The following TMEFF2 variants were observed in gnomAD, a reference collection of about 807,000 sequenced individuals.
TMEFF2 encodes the protein transmembrane protein with EGF like and two follistatin like domains 2.
TMEFF2 carries 28 observed loss-of-function variants against 53.8 expected under a neutral mutation model. That is an observed-to-expected ratio of 0.52 (90% CI 0.39 to 0.71). The LOEUF (loss-of-function observed/expected upper bound fraction) is 0.71. Among genes scored for constraint, TMEFF2 ranks in the 30% least tolerant of loss-of-function variants. The probability of loss-of-function intolerance (pLI) is 0.00; values close to 1 mark genes in which losing one functional copy is unlikely to be tolerated. For synonymous variants in TMEFF2, 162 were observed against 166.3 expected, an observed-to-expected ratio of 0.97 and a Z score of 0.20; for missense variants, 353 against 455.2, an observed-to-expected ratio of 0.78 and a Z score of 2.04.
intron 5 of TMEFF2, among the ~76,000 whole-genome samples, chr2:192,016,566 C>G (rs971705959): frequency 3.9e-5 from 6 of 152,214 alleles, no homozygotes; most frequent in African/African-American, 9.6e-5. Flanking sequence ...GTGAGTCCAT[C>G]TTACAGCCTT....
chr2:191,980,355 G>A (rs1184786177), intron 7 of TMEFF2, among the ~76,000 whole-genome samples: 1 of 152,122 alleles, frequency 6.6e-6, no homozygotes, highest in Non-Finnish European at 1.5e-5. Context: ...ACATCTTTGT[G>A]AGCACAGAAA....
At chr2:191,979,779 C>G (rs1685811370) in intron 7 of TMEFF2, among the ~76,000 whole-genome samples, 1 of 151,472 alleles carries the variant, frequency 6.6e-6, no homozygotes, top group Non-Finnish European at 1.5e-5. Context: ...AACCCTCTAA[C>G]TAGGATCCAT....
intron 5 of TMEFF2, among the ~76,000 whole-genome samples, chr2:192,012,862 A>T (rs974274447): frequency 6.6e-6 from 1 of 152,216 alleles, no homozygotes; most frequent in South Asian, 2.1e-4. Context: ...AAAAATTAGT[A>T]AAAATGTATA....
intron 4 of TMEFF2, among the ~76,000 whole-genome samples, chr2:192,133,132 G>A (rs1179410019): frequency 7.2e-5 from 11 of 151,920 alleles, no homozygotes; most frequent in East Asian, 5.8e-4. Context: ...ACTCTTTTAA[G>A]CACTCCTTTT....
At chr2:192,114,382 A>C (rs1689351454) in intron 4 of TMEFF2, among the ~76,000 whole-genome samples, 1 of 151,840 alleles carries the variant, frequency 6.6e-6, no homozygotes, top group Non-Finnish European at 1.5e-5. Flanking sequence ...AAGGATGATA[A>C]GGAAGAAGAC....
intron 4 of TMEFF2, among the ~76,000 whole-genome samples, chr2:192,153,524 T>A (rs1414704744): frequency 1.3e-5 from 2 of 151,982 alleles, no homozygotes; most frequent in Admixed American, 6.6e-5. Context: ...CTGTTTGTGA[T>A]AGAGCAACAA....
rs1559115057 is a variant in TMEFF2 at position 192,075,305 on chromosome 2, A to ATT, written c.440-17531_440-17530insAA. ...TACTATTATATATATATATATATAT[A>ATT]TATATATATATATATATATATATAT... On this transcript the variant is annotated intron_variant, in intron 4 of 9. Coordinates refer to ENST00000272771, the MANE Select transcript of TMEFF2 (RefSeq NM_016192.4). Among the ~76,000 whole-genome samples the ATT allele has an allele frequency of 8.8e-3, 245 of 27,964 alleles. 6 individuals carry two copies. The highest frequency in any genetic ancestry group is 0.019 in the African/African-American group (237 of 12,794). The allele number at this position is 27,964 out of a possible 152,430, so 18.3% of individuals were successfully genotyped here.
intron 4 of TMEFF2, among the ~76,000 whole-genome samples, chr2:192,072,480 C>T (rs1688313804): frequency 6.6e-6 from 1 of 151,876 alleles, no homozygotes; most frequent in East Asian, 1.9e-4. Flanking sequence ...ATTCTGTTTC[C>T]TGACCAAATT....
intron 4 of TMEFF2, among the ~76,000 whole-genome samples, chr2:192,150,197 C>G (rs1690350478): frequency 6.6e-6 from 1 of 151,854 alleles, no homozygotes; most frequent in Admixed American, 6.6e-5. Flanking sequence ...TCAACGGAAA[C>G]TTAGTTACCA....
chr2:192,173,382 T>C (rs1393560857), intron 4 of TMEFF2, among the ~76,000 whole-genome samples: 2 of 151,828 alleles, frequency 1.3e-5, no homozygotes, highest in South Asian at 2.1e-4. Flanking sequence ...CTTATAGATT[T>C]AGCTAGTTCA....
intron 7 of TMEFF2, chr2:191,992,736 CTA>C (rs1315148287): frequency 3.9e-5 from 6 of 152,064 alleles, no homozygotes; most frequent in South Asian, 2.1e-4. Context: ...TTTCTCTTCT[CTA>C]TGTGGAAAAA....
intron 4 of TMEFF2, among the ~76,000 whole-genome samples, chr2:192,067,298 G>C (rs1688188765): frequency 6.6e-6 from 1 of 151,942 alleles, no homozygotes; most frequent in East Asian, 1.9e-4. Context: ...AGGGGTAGTG[G>C]TTGGTCTTAG....
At chr2:192,122,794 G>A (rs114298039) in intron 4 of TMEFF2, among the ~76,000 whole-genome samples, 2,019 of 152,148 alleles carry the variant, frequency 0.013, 23 homozygotes, top group Non-Finnish European at 0.021. Context: ...CTAACAGATT[G>A]ACACAGCTAT....
intron 4 of TMEFF2, among the ~76,000 whole-genome samples, chr2:192,094,275 T>A (rs1688854783): frequency 1.3e-5 from 2 of 152,180 alleles, no homozygotes; most frequent in Non-Finnish European, 2.9e-5. Context: ...TATACAACTT[T>A]TATTATCATG....
At chr2:192,150,666 C>G (rs1574416779) in intron 4 of TMEFF2, among the ~76,000 whole-genome samples, 1 of 147,610 alleles carries the variant, frequency 6.8e-6, no homozygotes, top group Admixed American at 6.9e-5. Flanking sequence ...AAAGCACATA[C>G]TCCTAGGTCC....
intron 4 of TMEFF2, among the ~76,000 whole-genome samples, chr2:192,093,260 G>C (rs1574366079): frequency 6.6e-6 from 1 of 152,280 alleles, no homozygotes; most frequent in East Asian, 1.9e-4. Flanking sequence ...AAAGCAGGTA[G>C]TAAGACAAAT....
Position 191,949,814 on chromosome 2 carries a change from T to TATAA in TMEFF2, c.*493_*496dup. On this transcript the variant is annotated 3_prime_UTR_variant, in exon 10 of 10. Transcript: ENST00000272771. ...TCGGAAATATTTTATCCTCACTCGA[T>TATAA]ATAAAGTAAATTATTTTTTCTCTTT... 1 of 985,554 alleles carries TATAA rather than the reference T, an allele frequency of 1.0e-6. No individual in the cohort carries two copies. 61.1% of individuals were successfully genotyped at this position (985,554 alleles called of 1,614,324 possible).
At chr2:191,998,909 C>T in intron 6 of TMEFF2, 151 bp downstream of exon 6, 1 of 724,528 alleles carries the variant, frequency 1.4e-6, no homozygotes, top group East Asian at 2.7e-5. Context: ...CTATAATCGA[C>T]ACAAATGCTA....
chr2:192,002,026 AT>A (rs1215520041), intron 5 of TMEFF2, among the ~76,000 whole-genome samples: 8 of 129,712 alleles, frequency 6.2e-5, no homozygotes, highest in South Asian at 2.3e-4. Context: ...TTATTTATTT[AT>A]TTATTTATTA....
Sources: allele counts gnomAD v4.1 joint callset (sites outside exome capture counted in the v4.1 genomes callset), GRCh38; gene constraint gnomAD v4.1.1; transcripts MANE v1.5; gene names NCBI Gene and HGNC (gene_info 2026-07-23, HGNC 2026-07-21).